Variants in KIAA0825 observed in about 807,000 individuals in gnomAD.
The protein encoded by KIAA0825 is uncharacterized protein KIAA0825.
Under a neutral mutation model 147.6 loss-of-function variants are expected in KIAA0825, and 119 were observed. That is an observed-to-expected ratio of 0.81 (90% CI 0.69 to 0.94). KIAA0825 has a LOEUF of 0.94. Ranked by LOEUF, KIAA0825 falls within the 40% of genes least tolerant of loss-of-function variation. The pLI, the probability that KIAA0825 is intolerant of heterozygous loss-of-function variation, is 0.00. For synonymous variants in KIAA0825, 470 were observed against 518.1 expected (o/e 0.91, Z 1.26); for missense variants, 1,381 against 1,472.7 (o/e 0.94, Z 1.02).
chr5:94,555,387 G>A (rs779425400), intron 2 of KIAA0825, among the ~76,000 whole-genome samples: 2 of 151,954 alleles, frequency 1.3e-5, no homozygotes, highest in Non-Finnish European at 2.9e-5. Flanking sequence ...AGACTGCTAT[G>A]CTTTCTGCTA....
chr5:94,388,169 C>A (rs1274623297), intron 18 of KIAA0825, among the ~76,000 whole-genome samples: 1 of 152,120 alleles, frequency 6.6e-6, no homozygotes, highest in Non-Finnish European at 1.5e-5. Context: ...CAACATAAAT[C>A]CCTCAAATGT....
Position 94,341,210 on chromosome 5 carries a change from CAG to C in KIAA0825, c.3710+43156_3710+43157del, listed in dbSNP as rs545242126. Among the ~76,000 whole-genome samples the C allele has an allele frequency of 4.1e-3, 628 of 152,212 alleles. 2 individuals are homozygous for C. The highest frequency in any genetic ancestry group is 0.014 in the African/African-American group (595 of 41,512). On this transcript the variant is annotated intron_variant, in intron 20 of 20. Coordinates refer to ENST00000682413, the MANE Select transcript of KIAA0825 (RefSeq NM_001145678.3). ...TGTTTCTTCTAATATACTATGTAAG[CAG>C]AGTTTAAAAATATGTGAAGTGCCAC...
intron 12 of KIAA0825, among the ~76,000 whole-genome samples, chr5:94,458,433 C>T (rs1759400884): frequency 6.6e-6 from 1 of 152,044 alleles, no homozygotes; most frequent in Admixed American, 6.6e-5. Flanking sequence ...TGGTAGACAG[C>T]CAAAGGGCAG....
intron 20 of KIAA0825, among the ~76,000 whole-genome samples, chr5:94,294,162 C>T (rs1274117088): frequency 1.3e-5 from 2 of 152,096 alleles, no homozygotes; most frequent in African/African-American, 4.8e-5. Context: ...TGTATTTGAT[C>T]CTGTCATTAT....
chr5:94,196,551 G>A (rs569520119), intron 20 of KIAA0825, among the ~76,000 whole-genome samples: 1 of 151,934 alleles, frequency 6.6e-6, no homozygotes, highest in South Asian at 2.1e-4. Context: ...TTGATGTACA[G>A]ATTATTTTAT....
chr5:94,594,487 G>T, intron 1 of KIAA0825: 2 of 746,998 alleles, frequency 2.7e-6, no homozygotes, highest in Non-Finnish European at 5.0e-6. Flanking sequence ...CTTCTTTATG[G>T]AAGCCATAAT....
intron 1 of KIAA0825, among the ~76,000 whole-genome samples, chr5:94,600,792 T>C (rs888931044): frequency 6.6e-5 from 10 of 152,202 alleles, no homozygotes; most frequent in African/African-American, 2.2e-4. Flanking sequence ...ATAGCTACTC[T>C]ACAAAAGTGT....
At chr5:94,206,592 T>G (rs767165189) in intron 20 of KIAA0825, among the ~76,000 whole-genome samples, 42 of 152,224 alleles carry the variant, frequency 2.8e-4, no homozygotes, top group Admixed American at 9.2e-4. Flanking sequence ...ATGTTTATTC[T>G]TATTATCTTC....
At chr5:94,537,478 G>A (rs998272181) in intron 2 of KIAA0825, among the ~76,000 whole-genome samples, 1 of 151,674 alleles carries the variant, frequency 6.6e-6, no homozygotes, top group African/African-American at 2.4e-5. Context: ...GATGAAACCC[G>A]GTCTCTACTA....
chr5:94,461,886 G>A (rs535444110), intron 12 of KIAA0825, among the ~76,000 whole-genome samples: 1 of 151,952 alleles, frequency 6.6e-6, no homozygotes, highest in Admixed American at 6.5e-5. Context: ...GAATTAACCA[G>A]AAATCAAAAG....
chr5:94,600,977 CA>C, intron 1 of KIAA0825, among the ~76,000 whole-genome samples: 1 of 152,226 alleles, frequency 6.6e-6, no homozygotes. Context: ...GCTGTTTCAG[CA>C]ACTTAGGTGT....
intron 20 of KIAA0825, among the ~76,000 whole-genome samples, chr5:94,363,042 A>C (rs1405832893): frequency 6.6e-6 from 1 of 152,230 alleles, no homozygotes; most frequent in Non-Finnish European, 1.5e-5. Flanking sequence ...TCTGGGCTGA[A>C]TCAGATGAAT....
chr5:94,175,263 T>C (rs1768981401), intron 20 of KIAA0825, among the ~76,000 whole-genome samples: 2 of 152,228 alleles, frequency 1.3e-5, no homozygotes, highest in South Asian at 4.1e-4. Context: ...TCTTCAAACA[T>C]CCTTGTCTCA....
chr5:94,241,428 A>G (rs1274685650), intron 20 of KIAA0825, among the ~76,000 whole-genome samples: 1 of 152,188 alleles, frequency 6.6e-6, no homozygotes, highest in South Asian at 2.1e-4. Flanking sequence ...TGATAGCTTC[A>G]CTTTGCCAAA....
At chr5:94,380,562 G>A (rs1748263328) in intron 20 of KIAA0825, among the ~76,000 whole-genome samples, 2 of 152,196 alleles carry the variant, frequency 1.3e-5, no homozygotes, top group Admixed American at 1.3e-4. Flanking sequence ...TAAATAAACA[G>A]AAACAAGTAT....
At chr5:94,234,414 A>T (rs558504311) in intron 20 of KIAA0825, among the ~76,000 whole-genome samples, 3 of 152,006 alleles carry the variant, frequency 2.0e-5, no homozygotes, top group East Asian at 1.9e-4. Context: ...AATAAAAAAA[A>T]AATATGTATT....
At chr5:94,482,686 C>T (rs187010728) in intron 6 of KIAA0825, among the ~76,000 whole-genome samples, 1 of 152,146 alleles carries the variant, frequency 6.6e-6, no homozygotes, top group East Asian at 1.9e-4. Flanking sequence ...GACAATTTCC[C>T]TCAAGATCAT....
At chr5:94,471,993 G>C (rs1562531167) in intron 8 of KIAA0825, among the ~76,000 whole-genome samples, 1 of 152,084 alleles carries the variant, frequency 6.6e-6, no homozygotes, top group African/African-American at 2.4e-5. Flanking sequence ...TCATGAACCA[G>C]CTATACATGA....
At chr5:94,163,540 C>A (rs1482034833) in intron 20 of KIAA0825, among the ~76,000 whole-genome samples, 1 of 152,076 alleles carries the variant, frequency 6.6e-6, no homozygotes, top group African/African-American at 2.4e-5. Flanking sequence ...AAAGGGCTGT[C>A]ATTTTAATTA....
Sources: gnomAD v4.1 joint callset for allele counts (sites outside exome capture counted in the v4.1 genomes callset) on GRCh38, gnomAD v4.1.1 for gene constraint, MANE v1.5 for transcripts, NCBI Gene and HGNC (gene_info 2026-07-23, HGNC 2026-07-21) for gene names.